Variants in DNAH8 observed in about 807,000 individuals in gnomAD.
The protein encoded by DNAH8 is axonemal beta dynein heavy chain 8.
In DNAH8, 382 loss-of-function variants were observed where a neutral mutation model predicts 562.1. The observed-to-expected ratio is 0.68, with a 90% CI of 0.63 to 0.74. The LOEUF is 0.74. Ranked by LOEUF, DNAH8 falls within the 30% of genes least tolerant of loss-of-function variation. The probability of loss-of-function intolerance (pLI) is 0.00; values close to 1 mark genes in which losing one functional copy is unlikely to be tolerated. For synonymous variants in DNAH8, 1,881 were observed against 1,919.4 expected, an observed-to-expected ratio of 0.98 and a Z score of 0.52; for missense variants, 5,203 against 5,620.4, an observed-to-expected ratio of 0.93 and a Z score of 2.37.
chr6:38,951,574 A>C, intron 82 of DNAH8, 54 bp downstream of exon 82: 1 of 1,520,104 alleles, frequency 6.6e-7, no homozygotes, highest in Admixed American at 1.9e-5. Context: ...TTTTGCCCCA[A>C]ATTTTGCCTT....
In DNAH8 at chr6:38,769,652, A is replaced by G. The variant is rs111313440; in HGVS notation, c.1618-761A>G. 8.4e-4 allele frequency among the ~76,000 whole-genome samples: 128 copies of G among 152,300 alleles called. 1 individual carries two copies. The highest frequency in any genetic ancestry group is 2.9e-3 in the African/African-American group (122 of 41,556). The stretch of plus-strand genomic sequence containing the variant: ...AGAACCTATCCATAGGTTATGTTAC[A>G]TATGGCAAGGGGTGATTAAGGTTGC... On this transcript the variant is annotated intron_variant, in intron 11 of 92. Coordinates refer to ENST00000327475, the MANE Select transcript of DNAH8 (RefSeq NM_001206927.2).
intron 12 of DNAH8, among the ~76,000 whole-genome samples, chr6:38,774,879 T>C (rs1244656792): frequency 2.0e-5 from 3 of 152,172 alleles, no homozygotes; most frequent in Admixed American, 2.0e-4. Flanking sequence ...TGGAGTGGCT[T>C]CTAGGATGAT....
chr6:38,857,622 T>G lies in DNAH8; in HGVS notation c.5838T>G (p.Phe1946Leu). The change falls in exon 42 of 93, where the codon TTT (phenylalanine) becomes TTG (leucine). Residue 1946 changes from phenylalanine (F) to leucine (L), a missense_variant. Physicochemically the swap from Phe to Leu is conservative, Grantham distance 22. Coordinates refer to ENST00000327475, the MANE Select transcript of DNAH8 (RefSeq NM_001206927.2). ...TCATGCAAGTGACCAATCAGAAATT[T>G]TTGGATATTCTAAATACTCTCATTA... ...RKIMQVTNQK[F>L]LDILNTLISQ... The G allele has an allele frequency of 6.2e-7, 1 of 1,613,794 alleles. No individual in the cohort carries two copies. Among genetic ancestry groups the G allele is most frequent in the Non-Finnish European group, 8.5e-7 (1 of 1,179,808 alleles).
intron 6 of DNAH8, 73 bp downstream of exon 6, chr6:38,737,329 A>T: frequency 3.2e-6 from 3 of 938,968 alleles, no homozygotes; most frequent in Non-Finnish European, 4.3e-6. Context: ...ATAAACAGAG[A>T]AAAAGTTTCT....
chr6:38,949,456 C>T lies in DNAH8; in HGVS notation c.12134C>T (p.Ser4045Phe), dbSNP rs777319412. 1 of 1,600,574 alleles carries T rather than the reference C, an allele frequency of 6.2e-7. No individual in the cohort carries two copies. Among genetic ancestry groups the T allele is most frequent in the Non-Finnish European group, 8.6e-7 (1 of 1,168,122 alleles). ...TAATTGGCTTGCTTCTTTTAGATAT[C>T]TCGTAATGAGAAGGGGTGGAAAAGC... Reference protein sequence around the residue: ...PQFAEIMNQISRNEKGWKSWF... With the variant: ...PQFAEIMNQIFRNEKGWKSWF... Residue 4045 changes from serine to phenylalanine, a missense_variant, in exon 81 of 93, where the codon TCT (serine) becomes TTT (phenylalanine). Coordinates refer to ENST00000327475, the MANE Select transcript of DNAH8 (RefSeq NM_001206927.2).
chr6:38,963,177 C>T (rs1289916111), intron 82 of DNAH8, among the ~76,000 whole-genome samples: 3 of 148,658 alleles, frequency 2.0e-5, no homozygotes, highest in Non-Finnish European at 4.5e-5. Flanking sequence ...AAAGCACAAA[C>T]AAAGAAACAA....
rs1778663854 is a variant in DNAH8 at position 38,883,411 on chromosome 6, C to T, written c.8091C>T (p.Ser2697=). 7 of 1,612,518 alleles carry T rather than the reference C, an allele frequency of 4.3e-6. No individual in the cohort carries two copies. Among genetic ancestry groups the T allele is most frequent in the Admixed American group, 1.7e-5 (1 of 59,780 alleles). The change falls in exon 55 of 93, where the codon TCC becomes TCT. Residue 2697 remains serine (S), a synonymous_variant. Coordinates refer to ENST00000327475, the MANE Select transcript of DNAH8 (RefSeq NM_001206927.2). ...LKKYDPEVQL[S]KSLNFSSATE... is the part of the protein sequence containing the mutation. ...AATATGATCCTGAAGTACAGCTATC[C>T]AAAAGTCTAAACTTTTCATCTGCCA...
intron 62 of DNAH8, among the ~76,000 whole-genome samples, chr6:38,901,225 C>CT (rs1379135608): frequency 6.6e-6 from 1 of 151,686 alleles, no homozygotes; most frequent in Admixed American, 6.6e-5. Context: ...CTATTTAGTC[C>CT]TTTTTTGTAT....
chr6:38,925,286 ATTATT>A (rs72056166), intron 73 of DNAH8, among the ~76,000 whole-genome samples: 23,042 of 129,618 alleles, frequency 0.18, 2,304 homozygotes, highest in East Asian at 0.27. Context: ...TGGATCTCTG[ATTATT>A]TTATTTTATT....
At position 38,931,806 on chromosome 6, in the gene DNAH8, T is replaced by A; in HGVS notation, c.11275-5T>A. ...GTTTTTAATTTTATATGTGAATTTA[T>A]GTAGGTGAAAGTCGGTGATAAGGAA... is the stretch of plus-strand genomic sequence containing the variant. On this transcript the variant is annotated splice_polypyrimidine_tract_variant and splice_region_variant and intron_variant, in intron 75 of 92. Transcript: ENST00000327475. 6.5e-7 allele frequency: 1 copy of A among 1,535,030 alleles called. No homozygotes were observed.
At chr6:38,866,171 A>AT (rs1448281922) in intron 45 of DNAH8, among the ~76,000 whole-genome samples, 4 of 152,226 alleles carry the variant, frequency 2.6e-5, no homozygotes, top group Non-Finnish European at 5.9e-5. Flanking sequence ...AAGAGATGGA[A>AT]TAAAAAAAAT....
chr6:38,951,499 T>C lies in DNAH8; in HGVS notation c.12430T>C (p.Leu4144=). 1 of 1,613,996 alleles carries C rather than the reference T, an allele frequency of 6.2e-7. No homozygotes were observed. Among genetic ancestry groups the C allele is most frequent in the Non-Finnish European group, 8.5e-7 (1 of 1,179,934 alleles). Residue 4144 remains leucine (L), a synonymous_variant, in exon 82 of 93, where the codon TTG becomes CTG. Transcript: ENST00000327475. ...GSDPTNQIDA[L]AKKLKLECRT... ...TGACCCCACCAATCAAATTGATGCA[T>C]TGGCCAAGAAACTGAAACTGGGTAA... is the stretch of plus-strand genomic sequence containing the variant.
Position 38,856,838 on chromosome 6 carries a change from T to G in DNAH8, c.5734-680T>G, listed in dbSNP as rs146806167. Among the ~76,000 whole-genome samples the G allele has an allele frequency of 1.3e-3, 203 of 152,268 alleles. 1 individual carries two copies. Among genetic ancestry groups the G allele is most frequent in the African/African-American group, 4.6e-3 (191 of 41,542 alleles). ...GTTGGATCTGTCATTCGACTCTGGATGAATGAGAGCTCCTGAAGGGACAAC... is the reference window on the plus strand; with the variant it reads ...GTTGGATCTGTCATTCGACTCTGGAGGAATGAGAGCTCCTGAAGGGACAAC... On this transcript the variant is annotated intron_variant, in intron 41 of 92. Transcript: ENST00000327475.
chr6:38,920,714 C>T (rs781500458), intron 70 of DNAH8, among the ~76,000 whole-genome samples: 1 of 151,862 alleles, frequency 6.6e-6, no homozygotes, highest in African/African-American at 2.4e-5. Flanking sequence ...ACATAACTAA[C>T]GTTCATGATG....
Position 38,729,911 on chromosome 6 carries a change from T to C in DNAH8, c.535T>C (p.Phe179Leu). ...LILDCPSLEA[F>L]TNFFAKDGCK... ...CTCTTTTATTTAACAGCTGGAAGCA[T>C]TTACTAATTTTTTTGCGAAAGATGG... is the stretch of plus-strand genomic sequence containing the variant. Residue 179 changes from phenylalanine (F) to leucine (L), a missense_variant, in exon 4 of 93, where the codon TTT becomes CTT. Physicochemically the swap from Phe to Leu is conservative, Grantham distance 22. This residue lies in a region of DNAH8 where 556 missense variants were observed against 496.9 expected (regional missense o/e 1.12). Coordinates refer to ENST00000327475, the MANE Select transcript of DNAH8 (RefSeq NM_001206927.2). 6.4e-7 allele frequency: 1 copy of C among 1,560,268 alleles called. No homozygotes were observed. The highest frequency in any genetic ancestry group is 8.8e-7 in the Non-Finnish European group (1 of 1,137,160).
intron 17 of DNAH8, among the ~76,000 whole-genome samples, chr6:38,785,100 C>T (rs1424307531): frequency 6.6e-6 from 1 of 152,188 alleles, no homozygotes; most frequent in East Asian, 1.9e-4. Context: ...AAGTAGAATT[C>T]TTTCATACTT....
At chr6:38,944,573 A>G (rs1310162798) in intron 79 of DNAH8, among the ~76,000 whole-genome samples, 2 of 152,244 alleles carry the variant, frequency 1.3e-5, no homozygotes, top group East Asian at 1.9e-4. Flanking sequence ...ATACATTACT[A>G]AAGACATGCA....
At chr6:39,014,213 G>A (rs1766416876) in intron 91 of DNAH8, among the ~76,000 whole-genome samples, 1 of 152,134 alleles carries the variant, frequency 6.6e-6, no homozygotes, top group African/African-American at 2.4e-5. Context: ...AGCCTTTAGA[G>A]TTGTAAAGGG....
rs200416428 is a variant in DNAH8 at position 39,012,260 on chromosome 6, A to C, written c.13417A>C (p.Ile4473Leu). 1.8e-4 allele frequency: 285 copies of C among 1,611,608 alleles called. No individual in the cohort carries two copies. The highest frequency in any genetic ancestry group is 2.3e-4 in the Non-Finnish European group (267 of 1,177,930). Residue 4473 changes from isoleucine (I) to leucine (L), a missense_variant, in exon 90 of 93, where the codon ATA becomes CTA. Transcript: ENST00000327475. ...GATGGGCCATCTTAATTCAATGAAC[A>C]TATTTCTTAGACAAGAAATTGACAG... ...IKMGHLNSMNIFLRQEIDRMQ... is the reference protein window; with the variant it reads ...IKMGHLNSMNLFLRQEIDRMQ...
Sources: gnomAD v4.1 joint callset for allele counts (sites outside exome capture counted in the v4.1 genomes callset) on GRCh38, gnomAD v4.1.1 for gene constraint, gnomAD v4.1.1 regional missense constraint, MANE v1.5 for transcripts, NCBI Gene and HGNC (gene_info 2026-07-23, HGNC 2026-07-21) for gene names.